Variants in MCM2 observed in about 807,000 individuals in gnomAD.
MCM2 encodes the protein DNA replication licensing factor MCM2.
A neutral mutation model predicts 86.4 loss-of-function variants in MCM2; 49 were observed. That is an observed-to-expected ratio of 0.57 (90% CI 0.45 to 0.72). The LOEUF is 0.72. MCM2 is among the 30% of genes least tolerant of loss of function. The pLI is 0.00. For missense variants in MCM2, 1,038 were observed against 1,259.9 expected, an observed-to-expected ratio of 0.82 and a Z score of 2.67; for synonymous variants, 475 against 484.6, an observed-to-expected ratio of 0.98 and a Z score of 0.26.
At chr3:127,607,232 T>C (rs1260333858) in intron 6 of MCM2, among the ~76,000 whole-genome samples, 2 of 152,216 alleles carry the variant, frequency 1.3e-5, no homozygotes, top group African/African-American at 4.8e-5. Flanking sequence ...CCTGTCTGGC[T>C]CACGTGGGGC....
chr3:127,621,404 G>C (rs2074477922), intron 15 of MCM2, among the ~76,000 whole-genome samples, 176 bp downstream of exon 15: 1 of 152,190 alleles, frequency 6.6e-6, no homozygotes, highest in Admixed American at 6.5e-5. Flanking sequence ...GACAGCAGGG[G>C]AGTGAGGTGA....
chr3:127,610,982 A>G (rs1261456083), intron 8 of MCM2: 1 of 456,542 alleles, frequency 2.2e-6, no homozygotes, highest in East Asian at 7.0e-5. Flanking sequence ...GTAGGGATAC[A>G]ATGGTGAGTA....
chr3:127,616,491 C>T (rs1000444638), intron 9 of MCM2, among the ~76,000 whole-genome samples: 9 of 152,192 alleles, frequency 5.9e-5, no homozygotes, highest in African/African-American at 2.2e-4. Context: ...TGCATCCCAC[C>T]GAGCTCTCCC....
rs1278049986 is a variant in MCM2 at position 127,606,897 on chromosome 3, T to C, written c.1101+80T>C. 7.1e-7 allele frequency: 1 copy of C among 1,417,368 alleles called. No homozygotes were observed. Among genetic ancestry groups the C allele is most frequent in the Non-Finnish European group, 9.9e-7 (1 of 1,007,918 alleles). 87.8% of individuals were successfully genotyped at this position (1,417,368 alleles called of 1,614,324 possible). A position where few individuals can be genotyped will look rare whatever the true frequency, so the allele number is the denominator to read the frequency against. On this transcript the variant is annotated intron_variant, in intron 6 of 15. Coordinates refer to ENST00000265056, the MANE Select transcript of MCM2 (RefSeq NM_004526.4). This position sits in a 1 kb window ranked among gnomAD's most constrained non-coding sequence, Gnocchi z 4.2. ...AGGACCTGACTGGCCTCTCAGGCTGTGGAAGACCAGTGTGGGCAGCCGCAA... is the reference window on the plus strand; with the variant it reads ...AGGACCTGACTGGCCTCTCAGGCTGCGGAAGACCAGTGTGGGCAGCCGCAA...
rs2074450890 is a variant in MCM2, at chr3:127,618,563, A to C, written c.2014-464A>C. 6.6e-6 allele frequency among the ~76,000 whole-genome samples: 1 copy of C among 152,006 alleles called. No individual in the cohort carries two copies. The highest frequency in any genetic ancestry group is 1.5e-5 in the Non-Finnish European group (1 of 67,968). On this transcript the variant is annotated intron_variant, in intron 12 of 15. Transcript: ENST00000265056. This position sits in a 1 kb window ranked among gnomAD's most constrained non-coding sequence, Gnocchi z 4.0. ...CTCCTCGCTCCCTTCCCTCACCTGC[A>C]CCTGCACCTGCCCTTCTCTCTCAAA...
At chr3:127,599,661 T>C in intron 2 of MCM2, 114 bp downstream of exon 2, 1 of 915,264 alleles carries the variant, frequency 1.1e-6, no homozygotes, top group Admixed American at 2.8e-5. Context: ...ATTCTTGCCT[T>C]TGAGCACAGC....
chr3:127,608,278 C>T, intron 6 of MCM2, 104 bp from the exon 7 acceptor site: 1 of 1,442,902 alleles, frequency 6.9e-7, no homozygotes, highest in Non-Finnish European at 9.6e-7. Flanking sequence ...TCTCCATTTG[C>T]CACTCAGGAG....
chr3:127,610,632 C>A, intron 8 of MCM2: 1 of 377,584 alleles, frequency 2.6e-6, no homozygotes, highest in South Asian at 2.0e-5. Flanking sequence ...TCCAAGTAGG[C>A]AGGGTAGTTT....
intron 2 of MCM2, 23 bp downstream of exon 2, chr3:127,599,570 A>C (rs774376718): frequency 6.3e-7 from 1 of 1,594,044 alleles, no homozygotes; most frequent in Non-Finnish European, 8.6e-7. Flanking sequence ...AAGGCCCTGG[A>C]CTCAGCAGAT....
At position 127,619,083 on chromosome 3, in the gene MCM2, C is replaced by T; in HGVS notation, c.2070C>T (p.Asn690=). ...GCCACGTCAGACACCACCCCAGCAA[C>T]AAGGAGGAGGAGGGGCTGGCCAATG... The part of the protein sequence containing the change: ...VGSHVRHHPS[N]KEEEGLANGS... The change falls in exon 13 of 16, where the codon AAC becomes AAT. Residue 690 remains asparagine, a synonymous_variant. Coordinates refer to ENST00000265056, the MANE Select transcript of MCM2 (RefSeq NM_004526.4). 1.2e-6 allele frequency: 2 copies of T among 1,612,796 alleles called. No individual in the cohort carries two copies. Among genetic ancestry groups the T allele is most frequent in the Middle Eastern group, 1.7e-4 (1 of 6,058 alleles).
chr3:127,617,238 G>A lies in MCM2; in HGVS notation c.1774-41G>A. ...ACCTCATCGGAGACTTAGTAGTAGG[G>A]GCGTGAACCATGCTAAGGGTGGGCC... On this transcript the variant is annotated intron_variant, in intron 10 of 15. Transcript: ENST00000265056. The surrounding 1 kb of genome is among the most constrained non-coding windows in gnomAD (Gnocchi z 4.1). The A allele has an allele frequency of 6.2e-7, 1 of 1,613,080 alleles. No homozygotes were observed. Among genetic ancestry groups the A allele is most frequent in the Non-Finnish European group, 8.5e-7 (1 of 1,179,310 alleles).
Position 127,617,153 on chromosome 3 carries a change from A to AG in MCM2, c.1773+40dup, listed in dbSNP as rs2074439485. The AG allele has an allele frequency of 6.2e-7, 1 of 1,608,012 alleles. No individual in the cohort carries two copies. The highest frequency in any genetic ancestry group is 1.3e-5 in the African/African-American group (1 of 74,750). On this transcript the variant is annotated intron_variant, in intron 10 of 15. Transcript: ENST00000265056. The surrounding 1 kb of genome is among the most constrained non-coding windows in gnomAD (Gnocchi z 4.1). Reference sequence around the variant, plus strand: ...TGGGTCACGGAGGCTGGTGGAACTCAGGGGGTGTGTGTGGGCTTGGGCCTT... The same window carrying AG: ...TGGGTCACGGAGGCTGGTGGAACTCAGGGGGGTGTGTGTGGGCTTGGGCCTT...
In MCM2 at chr3:127,604,597, T is replaced by C; in HGVS notation, c.237-11T>C. 6.2e-7 allele frequency: 1 copy of C among 1,608,998 alleles called. No individual in the cohort carries two copies. The highest frequency in any genetic ancestry group is 8.5e-7 in the Non-Finnish European group (1 of 1,176,988). Reference sequence around the variant, plus strand: ...TTGGCAGTAACCACATCTGTTTTGGTGCTCCCTCAGGGACTACCGCGCCAT... The same window carrying C: ...TTGGCAGTAACCACATCTGTTTTGGCGCTCCCTCAGGGACTACCGCGCCAT... On this transcript the variant is annotated splice_polypyrimidine_tract_variant and intron_variant, in intron 2 of 15. Coordinates refer to ENST00000265056, the MANE Select transcript of MCM2 (RefSeq NM_004526.4).
intron 2 of MCM2, among the ~76,000 whole-genome samples, chr3:127,600,039 G>A (rs1228819870): frequency 1.3e-5 from 2 of 152,326 alleles, no homozygotes; most frequent in South Asian, 2.1e-4. Context: ...CAGCACTTTG[G>A]GAGGCCGAGG....
In MCM2 at chr3:127,598,474, T is replaced by C; in HGVS notation, c.6+2T>C. ...GAGGATCGTGGTACTGCTATGGCGG[T>C]GAGCGCGCTGGCGCGTGGCGGGCGG... On this transcript the variant is annotated splice_donor_variant, in intron 1 of 15. Coordinates refer to ENST00000265056, the MANE Select transcript of MCM2 (RefSeq NM_004526.4). LOFTEE classifies it high-confidence loss of function. 1 of 1,612,690 alleles carries C rather than the reference T, an allele frequency of 6.2e-7. No individual in the cohort carries two copies. Among genetic ancestry groups the C allele is most frequent in the Non-Finnish European group, 8.5e-7 (1 of 1,179,278 alleles).
intron 4 of MCM2, 128 bp downstream of exon 4, chr3:127,605,284 A>G: frequency 7.9e-7 from 1 of 1,271,918 alleles, no homozygotes. Context: ...CAGAGAAACC[A>G]AAAGTTTTGA....
rs754577783 is a variant in MCM2 at position 127,605,026 on chromosome 3, T to A, written c.543T>A (p.Ser181=). Residue 181 remains serine (S), a synonymous_variant, in exon 4 of 16, where the codon TCT becomes TCA. Transcript: ENST00000265056. The part of the protein sequence containing the change: ...IENLEDLKGH[S]VREWVSMAGP... ...ACCTGGAGGATCTCAAAGGCCACTCTGTGCGCGAGTGGGTGAGCATGGCGG... is the reference window on the plus strand; with the variant it reads ...ACCTGGAGGATCTCAAAGGCCACTCAGTGCGCGAGTGGGTGAGCATGGCGG... 4 of 1,614,122 alleles carry A rather than the reference T, an allele frequency of 2.5e-6. No homozygotes were observed. The highest frequency in any genetic ancestry group is 1.3e-5 in the African/African-American group (1 of 75,070).
chr3:127,615,407 A>T (rs528547832), intron 8 of MCM2, among the ~76,000 whole-genome samples: 1 of 152,346 alleles, frequency 6.6e-6, no homozygotes, highest in Non-Finnish European at 1.5e-5. Flanking sequence ...CACATCTCCC[A>T]GATGTGCCAC....
chr3:127,608,720 T>A (rs1425973025), intron 7 of MCM2, 112 bp from the exon 8 acceptor site: 3 of 1,233,274 alleles, frequency 2.4e-6, no homozygotes, highest in South Asian at 2.7e-5. Context: ...GAGTTACTTA[T>A]CTTGGTGTCT....
Sources: allele counts gnomAD v4.1 joint callset (sites outside exome capture counted in the v4.1 genomes callset), GRCh38; gene constraint gnomAD v4.1.1; non-coding constraint Gnocchi (gnomAD v3.1); transcripts MANE v1.5; gene names NCBI Gene and HGNC (gene_info 2026-07-23, HGNC 2026-07-21).